Variants in CCDC171 observed in about 807,000 individuals in gnomAD.
The protein encoded by CCDC171 is coiled-coil domain containing 171.
Under a neutral mutation model 168.2 loss-of-function variants are expected in CCDC171, and 177 were observed. The ratio of observed to expected loss-of-function variants is 1.05; its 90% CI spans 0.93 to 1.19. CCDC171 has a LOEUF of 1.19. CCDC171 is among the 50% of genes most tolerant of loss of function. CCDC171 has a pLI of 0.00. For synonymous variants in CCDC171, 687 were observed against 540.8 expected (o/e 1.27, Z -3.75); for missense variants, 1,991 against 1,539.0 (o/e 1.29, Z -4.91).
intron 24 of CCDC171, among the ~76,000 whole-genome samples, chr9:15,902,910 T>C (rs1821923793): frequency 6.6e-6 from 1 of 152,140 alleles, no homozygotes; most frequent in Admixed American, 6.5e-5. Flanking sequence ...CAGAGGGTCC[T>C]ACACCCACGG....
chr9:16,015,644 T>C (rs532499954), intron 3 of CCDC171, among the ~76,000 whole-genome samples: 1 of 152,290 alleles, frequency 6.6e-6, no homozygotes, highest in Admixed American at 6.5e-5. Context: ...TAACACAAAA[T>C]TGACCATTTT....
intron 21 of CCDC171, among the ~76,000 whole-genome samples, chr9:15,834,157 C>T (rs1028924109): frequency 6.6e-6 from 1 of 152,090 alleles, no homozygotes. Context: ...TTTTAGTTCT[C>T]ATTAATCTGA....
chr9:15,978,428 A>T (rs1186962437), downstream of CCDC171, among the ~76,000 whole-genome samples: 1 of 149,880 alleles, frequency 6.7e-6, no homozygotes, highest in Non-Finnish European at 1.5e-5. Flanking sequence ...GGGGCTACAC[A>T]GAAGAGTCCT....
chr9:15,999,019 C>T (rs1589311372), intron 3 of CCDC171, among the ~76,000 whole-genome samples: 1 of 152,022 alleles, frequency 6.6e-6, no homozygotes, highest in East Asian at 1.9e-4. Flanking sequence ...AATGTAACCT[C>T]TATCATTCAG....
chr9:15,596,392 T>A (rs1471191622), intron 6 of CCDC171, among the ~76,000 whole-genome samples: 2 of 152,058 alleles, frequency 1.3e-5, no homozygotes, highest in African/African-American at 4.8e-5. Flanking sequence ...CACCATTTAT[T>A]AAATAGGGAA....
rs769103484 is a variant in CCDC171, at chr9:15,971,820, C to T, written c.3965C>T (p.Thr1322Ile). ...VTMSANANRP[T>I]QIGL is the part of the protein sequence containing the mutation. Reference sequence around the variant, plus strand: ...ATGTCTGCTAATGCCAACAGACCAACTCAGATTGGATTATGACTTCATGAA... The same window carrying T: ...ATGTCTGCTAATGCCAACAGACCAATTCAGATTGGATTATGACTTCATGAA... Residue 1322 changes from threonine (T) to isoleucine (I), a missense_variant, in exon 26 of 26, where the codon ACT becomes ATT. Physicochemically the swap from Thr to Ile is moderately conservative, Grantham distance 89. Coordinates refer to ENST00000380701, the MANE Select transcript of CCDC171 (RefSeq NM_173550.4). 5.6e-6 allele frequency: 9 copies of T among 1,612,226 alleles called. No homozygotes were observed. Among genetic ancestry groups the T allele is most frequent in the African/African-American group, 1.3e-5 (1 of 74,876 alleles).
chr9:15,602,632 C>CTTTTTTTT (rs1050799184), intron 6 of CCDC171, among the ~76,000 whole-genome samples: 65 of 30,974 alleles, frequency 2.1e-3, no homozygotes, highest in East Asian at 2.7e-3. Context: ...TTTCTCATTT[C>CTTTTTTTT]TTTTTTTTTT....
chr9:15,884,026 A>T (rs76713846), intron 24 of CCDC171, among the ~76,000 whole-genome samples: 5,005 of 152,234 alleles, frequency 0.033, 288 homozygotes, highest in African/African-American at 0.11. Context: ...GATTCTCATT[A>T]TTTTATACAA....
At chr9:16,058,782 GCTT>G (rs1240908425) in intron 1 of CCDC171, among the ~76,000 whole-genome samples, 1 of 152,196 alleles carries the variant, frequency 6.6e-6, no homozygotes, top group Non-Finnish European at 1.5e-5. Flanking sequence ...TCTCAACTGA[GCTT>G]CTTATTTCCC....
intron 16 of CCDC171, among the ~76,000 whole-genome samples, chr9:15,733,324 G>T (rs1172617945): frequency 1.3e-5 from 2 of 151,882 alleles, no homozygotes; most frequent in African/African-American, 4.8e-5. Flanking sequence ...TTTTTTATGG[G>T]TTATACTTTT....
At chr9:16,107,811 G>A in the CCDC171 span, among the ~76,000 whole-genome samples, 2 of 152,112 alleles carry the variant, frequency 1.3e-5, no homozygotes, top group Non-Finnish European at 2.9e-5. Context: ...AGGAGCCTAT[G>A]TCTTAATCAT....
chr9:16,075,776 A>G, the CCDC171 span, among the ~76,000 whole-genome samples: 1 of 152,334 alleles, frequency 6.6e-6, no homozygotes, highest in African/African-American at 2.4e-5. Context: ...AAGTTTTTCA[A>G]TCTCTAGTGG....
chr9:15,803,816 G>A (rs1297397885), intron 21 of CCDC171, among the ~76,000 whole-genome samples: 1 of 151,982 alleles, frequency 6.6e-6, no homozygotes, highest in Non-Finnish European at 1.5e-5. Flanking sequence ...GTCAACGATA[G>A]TTTAATGGGA....
intron 3 of CCDC171, among the ~76,000 whole-genome samples, chr9:16,001,223 G>C (rs780401636): frequency 1.3e-5 from 2 of 152,144 alleles, no homozygotes; most frequent in Non-Finnish European, 2.9e-5. Context: ...GTTTCTCAAA[G>C]TGCTGATGGA....
chr9:15,685,895 C>G (rs886514769), intron 10 of CCDC171, among the ~76,000 whole-genome samples: 1 of 152,068 alleles, frequency 6.6e-6, no homozygotes, highest in Non-Finnish European at 1.5e-5. Flanking sequence ...TTAATAATTA[C>G]AAATGTAATA....
At chr9:15,735,931 T>C (rs2054465409) in intron 16 of CCDC171, among the ~76,000 whole-genome samples, 1 of 152,222 alleles carries the variant, frequency 6.6e-6, no homozygotes, top group African/African-American at 2.4e-5. Context: ...ATATTAGCAG[T>C]TGAATTGGCG....
At chr9:16,002,194 T>A (rs1832568476) in intron 3 of CCDC171, among the ~76,000 whole-genome samples, 1 of 151,324 alleles carries the variant, frequency 6.6e-6, no homozygotes, top group Admixed American at 6.6e-5. Flanking sequence ...ACTTTTTTTT[T>A]TAAAAAAAGT....
At chr9:15,846,989 C>A (rs1218038547) in intron 22 of CCDC171, 142 bp downstream of exon 22, 1 of 650,196 alleles carries the variant, frequency 1.5e-6, no homozygotes, top group Non-Finnish European at 2.5e-6. Context: ...TCTGATATAT[C>A]CTCAAAAAAG....
At chr9:15,842,335 G>C (rs2060714245) in intron 21 of CCDC171, among the ~76,000 whole-genome samples, 1 of 152,034 alleles carries the variant, frequency 6.6e-6, no homozygotes, top group South Asian at 2.1e-4. Flanking sequence ...TATGTTGGGT[G>C]ATTCGCTTGG....
Sources: gnomAD v4.1 joint callset for allele counts (sites outside exome capture counted in the v4.1 genomes callset) on GRCh38, gnomAD v4.1.1 for gene constraint, MANE v1.5 for transcripts, NCBI Gene and HGNC (gene_info 2026-07-23, HGNC 2026-07-21) for gene names.